The following SLC8A1 variants were observed in gnomAD, a reference collection of about 807,000 sequenced individuals.
SLC8A1 encodes sodium/calcium exchanger 1.
Under a neutral mutation model 68.3 loss-of-function variants are expected in SLC8A1, and 18 were observed. That is an observed-to-expected ratio of 0.26 (90% CI 0.18 to 0.39). The LOEUF (loss-of-function observed/expected upper bound fraction) is 0.39. Ranked by LOEUF, SLC8A1 falls within the 10% of genes least tolerant of loss-of-function variation. The probability of loss-of-function intolerance (pLI) is 1.00; values close to 1 mark genes in which losing one functional copy is unlikely to be tolerated. For synonymous variants in SLC8A1, 475 were observed against 415.5 expected (o/e 1.14, Z -1.74); for missense variants, 985 against 1,156.7 (o/e 0.85, Z 2.15).
chr2:40,452,544 C>T (rs1476125721), upstream of SLC8A1, among the ~76,000 whole-genome samples: 2 of 152,190 alleles, frequency 1.3e-5, no homozygotes, highest in Non-Finnish European at 2.9e-5. Flanking sequence ...CCCTGACCCC[C>T]AATTCGCCTA....
At chr2:40,123,056 CTG>C (rs1001040708) in intron 7 of SLC8A1, 2 of 152,188 alleles carry the variant, frequency 1.3e-5, no homozygotes, top group African/African-American at 4.8e-5. Context: ...GCTTTCCAAA[CTG>C]TAATTGGAGT....
intron 1 of SLC8A1, among the ~76,000 whole-genome samples, chr2:40,476,769 CTTGA>C (rs1704318837): frequency 2.0e-5 from 3 of 152,150 alleles, no homozygotes; most frequent in African/African-American, 7.2e-5. Context: ...CATATAGGGC[CTTGA>C]ACACCATAGG....
At chr2:40,254,294 C>T (rs910360090) in intron 2 of SLC8A1, 10 of 150,472 alleles carry the variant, frequency 6.6e-5, no homozygotes, top group African/African-American at 1.5e-4. Context: ...AAAATGAATG[C>T]CACACCTTGT....
intron 2 of SLC8A1, among the ~76,000 whole-genome samples, chr2:40,228,534 C>A (rs764873339): frequency 1.1e-4 from 17 of 152,180 alleles, no homozygotes; most frequent in Non-Finnish European, 2.5e-4. Flanking sequence ...GTGGAAAAAG[C>A]CCTGCTGTGG....
intron 2 of SLC8A1, among the ~76,000 whole-genome samples, chr2:40,309,893 G>C (rs899411559): frequency 6.6e-6 from 1 of 152,086 alleles, no homozygotes; most frequent in Admixed American, 6.6e-5. Context: ...ATATTCATAA[G>C]GTTGTGCAAC....
At chr2:40,232,020 A>C (rs1035641270) in intron 2 of SLC8A1, among the ~76,000 whole-genome samples, 1 of 152,102 alleles carries the variant, frequency 6.6e-6, no homozygotes. Flanking sequence ...ATCCAATAGA[A>C]TGGGGCTGTG....
At chr2:40,449,644 G>A (rs373434109) in intron 1 of SLC8A1, among the ~76,000 whole-genome samples, 2 of 149,168 alleles carry the variant, frequency 1.3e-5, no homozygotes, top group Non-Finnish European at 3.0e-5. Flanking sequence ...AATCTGAAAC[G>A]TTACAGTAGG....
chr2:40,218,838 C>T (rs1299612342), intron 2 of SLC8A1, among the ~76,000 whole-genome samples: 1 of 152,136 alleles, frequency 6.6e-6, no homozygotes, highest in Non-Finnish European at 1.5e-5. Flanking sequence ...TGCTGACTTG[C>T]ATGTTCTGGG....
At chr2:40,169,089 A>G (rs1301593827) in intron 4 of SLC8A1, among the ~76,000 whole-genome samples, 1 of 152,200 alleles carries the variant, frequency 6.6e-6, no homozygotes, top group African/African-American at 2.4e-5. Flanking sequence ...ATTTTGAGAA[A>G]GCTGTTTCTA....
At chr2:40,492,706 AAAG>A (rs1705403317) in intron 1 of SLC8A1, among the ~76,000 whole-genome samples, 2 of 149,774 alleles carry the variant, frequency 1.3e-5, no homozygotes, top group East Asian at 3.9e-4. Flanking sequence ...ACACTTCTCA[AAAG>A]AAGACATTTA....
chr2:40,434,125 T>C (rs960647929), intron 1 of SLC8A1, among the ~76,000 whole-genome samples: 32 of 152,146 alleles, frequency 2.1e-4, no homozygotes, highest in African/African-American at 7.5e-4. Flanking sequence ...CCACAATATG[T>C]TCTTAGCCAA....
chr2:40,225,857 G>A (rs2058910450), intron 2 of SLC8A1, among the ~76,000 whole-genome samples: 1 of 152,126 alleles, frequency 6.6e-6, no homozygotes, highest in African/African-American at 2.4e-5. Context: ...TGAGCTGCCA[G>A]ACACAGACAA....
chr2:40,234,996 T>A (rs954333592), intron 2 of SLC8A1, among the ~76,000 whole-genome samples: 1 of 152,130 alleles, frequency 6.6e-6, no homozygotes, highest in Non-Finnish European at 1.5e-5. Flanking sequence ...GCTGGATTCG[T>A]TTTGCCAGTA....
intron 1 of SLC8A1, among the ~76,000 whole-genome samples, chr2:40,432,591 A>T: frequency 6.6e-6 from 1 of 151,620 alleles, no homozygotes; most frequent in East Asian, 1.9e-4. Flanking sequence ...TCCTAATGGG[A>T]ATCATGCTTG....
chr2:40,333,255 G>A (rs369171790), intron 2 of SLC8A1, among the ~76,000 whole-genome samples: 6 of 151,916 alleles, frequency 3.9e-5, no homozygotes, highest in African/African-American at 9.7e-5. Flanking sequence ...TGGCTAACAC[G>A]GTGAAACTTC....
In SLC8A1 at chr2:40,217,321, G is replaced by C. The variant is rs886907874; in HGVS notation, c.1809-39466C>G. Among the ~76,000 whole-genome samples the C allele has an allele frequency of 3.3e-5, 5 of 152,116 alleles. No homozygotes were observed. In the South Asian group the frequency reaches 1.0e-3, roughly 32 times the overall value. On this transcript the variant is annotated intron_variant, in intron 2 of 7. Coordinates refer to ENST00000406785, the Ensembl canonical transcript of SLC8A1. ...TGTAGATGTGTGGTGTTATTTCTGA[G>C]GTCTCTGTTTTGTTCCATTGGTTTA...
chr2:40,114,531 A>G (rs1262533394), exon 8 of SLC8A1: 1 of 152,722 alleles, frequency 6.5e-6, no homozygotes, highest in African/African-American at 2.4e-5. Context: ...GTTCCTGGGA[A>G]TCTAGGCACG....
intron 2 of SLC8A1, among the ~76,000 whole-genome samples, chr2:40,422,045 C>T (rs906384758): frequency 7.9e-5 from 12 of 152,096 alleles, no homozygotes; most frequent in Admixed American, 7.9e-4. Flanking sequence ...CAGCTTGAGT[C>T]CTGCCTGCCC....
chr2:40,214,440 T>C (rs1203355886), intron 2 of SLC8A1, among the ~76,000 whole-genome samples: 1 of 151,766 alleles, frequency 6.6e-6, no homozygotes, highest in Admixed American at 6.6e-5. Context: ...ACTATCTTTT[T>C]TTTTTTTTTT....
Sources: gnomAD v4.1 joint callset for allele counts (sites outside exome capture counted in the v4.1 genomes callset) on GRCh38, gnomAD v4.1.1 for gene constraint, MANE v1.5 for transcripts, NCBI Gene and HGNC (gene_info 2026-07-23, HGNC 2026-07-21) for gene names.